FGD4: variants seen among roughly 807,000 people sequenced by gnomAD.
The protein encoded by FGD4 is FYVE, RhoGEF and PH domain containing 4, also known as FYVE, RhoGEF and PH domain-containing protein 4.
A neutral mutation model predicts 102.0 loss-of-function variants in FGD4; 42 were observed. The observed-to-expected ratio is 0.41, with a 90% confidence interval of 0.32 to 0.53. The LOEUF (loss-of-function observed/expected upper bound fraction) is 0.53. Ranked by LOEUF, FGD4 falls within the 20% of genes least tolerant of loss-of-function variation. The pLI is 0.21. For synonymous variants in FGD4, 380 were observed against 375.7 expected, an observed-to-expected ratio of 1.01 and a Z score of -0.13; for missense variants, 902 against 1,078.2, an observed-to-expected ratio of 0.84 and a Z score of 2.29.
chr12:32,563,837 A>AAAAAAGTACG (rs1944930573), intron 1 of FGD4, among the ~76,000 whole-genome samples: 1 of 152,150 alleles, frequency 6.6e-6, no homozygotes, highest in Non-Finnish European at 1.5e-5. Context: ...CGTCTCCACC[A>AAAAAAGTACG]AAAAAGTACG....
chr12:32,526,590 G>A (rs11052046), intron 1 of FGD4, among the ~76,000 whole-genome samples: 37,493 of 152,152 alleles, frequency 0.25, 5,384 homozygotes, highest in Middle Eastern at 0.44. Flanking sequence ...GGCCAGATAA[G>A]AGAATAAAAG....
chr12:32,582,513 C>A, intron 4 of FGD4, 46 bp downstream of exon 4: 3 of 1,600,138 alleles, frequency 1.9e-6, no homozygotes, highest in South Asian at 1.1e-5. Flanking sequence ...CCTGCCTATT[C>A]GATTGTTGTC....
chr12:32,639,862 A>G (rs1490128402), intron 16 of FGD4, among the ~76,000 whole-genome samples: 2 of 152,174 alleles, frequency 1.3e-5, no homozygotes, highest in South Asian at 2.1e-4. Flanking sequence ...TGCTTTTCCT[A>G]TAAGCTTTCT....
Position 32,428,866 on chromosome 12 carries a change from C to T in FGD4, c.166+28907C>T, listed in dbSNP as rs578235013. ...CACAAAGTTCTCATGCTGTATTTTT[C>T]ACCTCCATCAGGTCATTTATGTTCT... is the stretch of plus-strand genomic sequence containing the variant. On this transcript the variant is annotated intron_variant, in intron 1 of 16. Coordinates refer to ENST00000534526, the MANE Select transcript of FGD4 (RefSeq NM_001370298.3). 1.1e-4 allele frequency among the ~76,000 whole-genome samples: 16 copies of T among 152,308 alleles called. 1 individual carries two copies. The South Asian group carries it at 3.3e-3, about 32-fold the overall frequency.
chr12:32,424,772 G>A (rs1048019952), intron 1 of FGD4, among the ~76,000 whole-genome samples: 1 of 152,186 alleles, frequency 6.6e-6, no homozygotes, highest in African/African-American at 2.4e-5. Context: ...TCTAACTGGT[G>A]TGAGATGGTA....
intron 1 of FGD4, among the ~76,000 whole-genome samples, chr12:32,435,869 C>T (rs1324000309): frequency 1.3e-5 from 2 of 152,114 alleles, no homozygotes; most frequent in Non-Finnish European, 2.9e-5. Context: ...GAGTGAGTGC[C>T]CAAATGCAAC....
intron 1 of FGD4, among the ~76,000 whole-genome samples, chr12:32,525,686 C>T (rs1368037357): frequency 6.6e-6 from 1 of 152,192 alleles, no homozygotes; most frequent in Non-Finnish European, 1.5e-5. Context: ...GAGGCACGAG[C>T]GGGAACCGGG....
In FGD4 at chr12:32,467,909, G is replaced by A. The variant is rs187098962; in HGVS notation, c.166+67950G>A. 2.2e-4 allele frequency among the ~76,000 whole-genome samples: 33 copies of A among 152,208 alleles called. No homozygotes were observed. In the East Asian group the frequency reaches 6.0e-3, roughly 28 times the overall value. On this transcript the variant is annotated intron_variant, in intron 1 of 16. Transcript: ENST00000534526. ...TGGGTGCCTGTAATCCCAGCTACTC[G>A]GGAGGCTGAGGCAGGAGAATTGCTT...
At chr12:32,601,050 T>G (rs1948391417) in intron 5 of FGD4, among the ~76,000 whole-genome samples, 1 of 152,230 alleles carries the variant, frequency 6.6e-6, no homozygotes, top group Admixed American at 6.5e-5. Flanking sequence ...ATAATATTCC[T>G]ATGGATAGGA....
chr12:32,548,153 A>C (rs1049018516), intron 1 of FGD4, among the ~76,000 whole-genome samples: 1 of 152,198 alleles, frequency 6.6e-6, no homozygotes, highest in African/African-American at 2.4e-5. Context: ...TCCAGAGAAC[A>C]AATCAGTTGA....
intron 1 of FGD4, among the ~76,000 whole-genome samples, chr12:32,559,855 AATTTG>A (rs1220942234): frequency 6.6e-6 from 1 of 152,282 alleles, no homozygotes; most frequent in Non-Finnish European, 1.5e-5. Flanking sequence ...GACTCAACGT[AATTTG>A]TTTTCTCATT....
At chr12:32,579,076 T>A (rs1473161523) in intron 3 of FGD4, among the ~76,000 whole-genome samples, 1 of 132,680 alleles carries the variant, frequency 7.5e-6, no homozygotes, top group African/African-American at 2.9e-5. Flanking sequence ...GACAGAGTTT[T>A]GCTCTTGTTG....
intron 1 of FGD4, among the ~76,000 whole-genome samples, chr12:32,502,805 T>C (rs1938338382): frequency 6.6e-6 from 1 of 152,214 alleles, no homozygotes; most frequent in African/African-American, 2.4e-5. Flanking sequence ...AAATGTGATG[T>C]TTATGCAGTT....
chr12:32,473,432 C>G (rs7310262), intron 1 of FGD4, among the ~76,000 whole-genome samples: 56,454 of 151,694 alleles, frequency 0.37, 11,446 homozygotes, highest in South Asian at 0.51. Flanking sequence ...CAACTCCAGA[C>G]GCGCCGCCTT....
intron 1 of FGD4, among the ~76,000 whole-genome samples, chr12:32,493,215 G>C (rs569388428): frequency 4.6e-5 from 7 of 152,180 alleles, no homozygotes; most frequent in Non-Finnish European, 1.0e-4. Context: ...CAGAAAAAAG[G>C]GTTTTTGTTT....
At chr12:32,565,492 C>T (rs901674442) in intron 2 of FGD4, among the ~76,000 whole-genome samples, 2 of 152,116 alleles carry the variant, frequency 1.3e-5, no homozygotes, top group Non-Finnish European at 2.9e-5. Context: ...CCATTTCGCC[C>T]ATTAGACCCG....
At chr12:32,524,838 T>G (rs1241168598) in intron 1 of FGD4, among the ~76,000 whole-genome samples, 1 of 146,796 alleles carries the variant, frequency 6.8e-6, no homozygotes, top group Non-Finnish European at 1.5e-5. Flanking sequence ...AAAAAAAAAA[T>G]GAGCACAGAG....
rs1555193687 is a variant in FGD4, at chr12:32,520,441, T to TTTTTTG, written c.167-43691_167-43690insGTTTTT. On this transcript the variant is annotated intron_variant, in intron 1 of 16. Transcript: ENST00000534526. The stretch of plus-strand genomic sequence containing the variant: ...CTATTGTGGGTTTTTTTGTTTTTTG[T>TTTTTTG]TTTTTTTTTTTAGAGATGGAGTCTC... Among the ~76,000 whole-genome samples, 6 of 99,624 alleles carry TTTTTTG rather than the reference T, an allele frequency of 6.0e-5. No individual in the cohort carries two copies. The South Asian group carries it at 8.9e-4, about 15-fold the overall frequency. The allele number at this position is 99,624 out of a possible 152,430, so 65.4% of individuals were successfully genotyped here. A position where few individuals can be genotyped will look rare whatever the true frequency, so the allele number is the denominator to read the frequency against.
chr12:32,625,199 T>A, intron 13 of FGD4, 131 bp downstream of exon 13: 3 of 727,122 alleles, frequency 4.1e-6, no homozygotes, highest in Non-Finnish European at 7.2e-6. Flanking sequence ...CAGAATCTCA[T>A]TCTTTCTTAG....
Sources: gnomAD v4.1 joint callset for allele counts (sites outside exome capture counted in the v4.1 genomes callset) on GRCh38, gnomAD v4.1.1 for gene constraint, MANE v1.5 for transcripts, NCBI Gene and HGNC (gene_info 2026-07-23, HGNC 2026-07-21) for gene names.